AUTS2: variants seen among roughly 807,000 people sequenced by gnomAD.
The protein encoded by AUTS2 is autism susceptibility gene 2 protein.
A neutral mutation model predicts 112.4 loss-of-function variants in AUTS2; 17 were observed. That is an observed-to-expected ratio of 0.15 (90% CI 0.10 to 0.23). The LOEUF (loss-of-function observed/expected upper bound fraction) is 0.23. Ranked by LOEUF, AUTS2 falls within the 10% of genes least tolerant of loss-of-function variation. The pLI is 1.00. For synonymous variants in AUTS2, 751 were observed against 702.7 expected, an observed-to-expected ratio of 1.07 and a Z score of -1.09; for missense variants, 1,510 against 1,701.6, an observed-to-expected ratio of 0.89 and a Z score of 1.98.
chr7:70,626,005 C>G (rs1343072529), intron 5 of AUTS2, among the ~76,000 whole-genome samples: 1 of 151,990 alleles, frequency 6.6e-6, no homozygotes, highest in Non-Finnish European at 1.5e-5. Context: ...CTTCACCTCC[C>G]AGGTTCAAGC....
chr7:69,819,041 G>A (rs1790877013), intron 1 of AUTS2, among the ~76,000 whole-genome samples: 1 of 152,162 alleles, frequency 6.6e-6, no homozygotes. Flanking sequence ...TCTCACCAAG[G>A]ACAGGAGCAG....
chr7:70,208,233 TA>T (rs1240409624), intron 4 of AUTS2, among the ~76,000 whole-genome samples: 2 of 152,156 alleles, frequency 1.3e-5, no homozygotes, highest in African/African-American at 2.4e-5. Flanking sequence ...ACACATGGTG[TA>T]TTCAAAATAA....
At position 70,239,442 on chromosome 7, in the gene AUTS2, G is replaced by C. The variant is rs528886518; in HGVS notation, c.660+104871G>C. 2.0e-5 allele frequency among the ~76,000 whole-genome samples: 3 copies of C among 151,858 alleles called. No individual in the cohort carries two copies. In the South Asian group the frequency reaches 6.2e-4, roughly 32 times the overall value. ...CCAGCCCTGCAACCTAATTTTTTTT[G>C]TTTTGTTTTTGAGACAGAGTTTCCC... On this transcript the variant is annotated intron_variant, in intron 4 of 18. Coordinates refer to ENST00000342771, the MANE Select transcript of AUTS2 (RefSeq NM_015570.4).
In AUTS2 at chr7:70,118,212, C is replaced by T. The variant is rs1805486954; in HGVS notation, c.603C>T (p.Ser201=). The T allele has an allele frequency of 1.0e-5, 16 of 1,597,994 alleles. No individual in the cohort carries two copies. The East Asian group carries it at 3.4e-4, about 34-fold the overall frequency. Residue 201 remains serine (S), a synonymous_variant, in exon 3 of 19, where the codon AGC becomes AGT. Coordinates refer to ENST00000342771, the MANE Select transcript of AUTS2 (RefSeq NM_015570.4). The part of the protein sequence containing the change: ...SGESKGFHRS[S]SRERLSDSSA... ...AATCCAAGGGCTTCCACCGGAGCAG[C>T]TCTCGGGAAAGGCTCAGTGATGTAA...
At position 70,694,699 on chromosome 7, in the gene AUTS2, G is replaced by A. The variant is rs1323277820; in HGVS notation, c.691-3870G>A. 6.8e-6 allele frequency: 1 copy of A among 147,470 alleles called. No homozygotes were observed. Among genetic ancestry groups the A allele is most frequent in the Non-Finnish European group, 1.5e-5 (1 of 66,158 alleles). 9.1% of individuals were successfully genotyped at this position (147,470 alleles called of 1,614,324 possible). A position where few individuals can be genotyped will look rare whatever the true frequency, so the allele number is the denominator to read the frequency against. On this transcript the variant is annotated intron_variant, in intron 5 of 18. Coordinates refer to ENST00000342771, the MANE Select transcript of AUTS2 (RefSeq NM_015570.4). This position sits in a 1 kb window ranked among gnomAD's most constrained non-coding sequence, Gnocchi z 4.1. ...CAGCGCGGCCCCGCGCGCCGCAGGA[G>A]CGGCGGGGAGACAGTGGCGAGCGCG...
At chr7:69,785,204 C>A (rs1043127107) in intron 1 of AUTS2, among the ~76,000 whole-genome samples, 3 of 152,160 alleles carry the variant, frequency 2.0e-5, no homozygotes, top group Non-Finnish European at 4.4e-5. Flanking sequence ...TGCTAGCATG[C>A]ATAGGGACTG....
intron 5 of AUTS2, among the ~76,000 whole-genome samples, chr7:70,639,919 C>G (rs1480393253): frequency 6.6e-6 from 1 of 152,168 alleles, no homozygotes; most frequent in Non-Finnish European, 1.5e-5. Context: ...TGTGCAATCA[C>G]AGTTGACAGA....
chr7:70,059,760 AAGAAGATAGGCTTCCTT>A (rs907994135), intron 2 of AUTS2, among the ~76,000 whole-genome samples: 1 of 152,146 alleles, frequency 6.6e-6, no homozygotes, highest in Non-Finnish European at 1.5e-5. Context: ...TGCTAGGCTA[AAGAAGATAGGCTTCCTT>A]AGTGAGGCCA....
chr7:70,266,140 A>G (rs551124632), intron 4 of AUTS2, among the ~76,000 whole-genome samples: 1 of 152,248 alleles, frequency 6.6e-6, no homozygotes, highest in South Asian at 2.1e-4. Flanking sequence ...AAAACAACCC[A>G]AATGTTCATA....
chr7:70,111,637 T>C lies in AUTS2; in HGVS notation c.523-6495T>C, dbSNP rs551097441. Among the ~76,000 whole-genome samples the C allele has an allele frequency of 1.4e-3, 217 of 152,308 alleles. 1 individual carries two copies. Among genetic ancestry groups the C allele is most frequent in the African/African-American group, 5.1e-3 (213 of 41,588 alleles). ...ATTATTAAATTTAATTTGCTGTGTT[T>C]CTTCAGATTTTTGCAGCTTTTTAAA... On this transcript the variant is annotated intron_variant, in intron 2 of 18. Transcript: ENST00000342771.
intron 5 of AUTS2, among the ~76,000 whole-genome samples, chr7:70,489,413 A>G (rs1798150120): frequency 6.6e-6 from 1 of 152,186 alleles, no homozygotes; most frequent in African/African-American, 2.4e-5. Flanking sequence ...CAGTCCCATC[A>G]ATGTTGTATA....
intron 1 of AUTS2, among the ~76,000 whole-genome samples, chr7:69,819,961 G>C (rs1265637020): frequency 6.6e-6 from 1 of 152,174 alleles, no homozygotes; most frequent in Non-Finnish European, 1.5e-5. Context: ...CCAGTCTTGA[G>C]GTGTATAGGA....
chr7:70,160,957 C>A (rs1025068855), intron 4 of AUTS2, among the ~76,000 whole-genome samples: 2 of 152,158 alleles, frequency 1.3e-5, no homozygotes, highest in African/African-American at 4.8e-5. Context: ...ATGCAAATTT[C>A]AACTCGGCTG....
intron 2 of AUTS2, among the ~76,000 whole-genome samples, chr7:70,010,986 A>G (rs574891066): frequency 4.6e-5 from 7 of 152,318 alleles, no homozygotes; most frequent in African/African-American, 1.7e-4. Flanking sequence ...AATTTTTGAC[A>G]CATACTTGAT....
At chr7:69,935,256 T>C (rs1310763042) in intron 2 of AUTS2, among the ~76,000 whole-genome samples, 7 of 152,034 alleles carry the variant, frequency 4.6e-5, no homozygotes, top group Non-Finnish European at 1.0e-4. Context: ...AAGTATTGCT[T>C]AGGAGGTGTA....
At chr7:69,983,223 A>G (rs1798368311) in intron 2 of AUTS2, among the ~76,000 whole-genome samples, 1 of 151,988 alleles carries the variant, frequency 6.6e-6, no homozygotes. Context: ...ATATACTTTT[A>G]TATTTTCCTT....
intron 4 of AUTS2, among the ~76,000 whole-genome samples, chr7:70,295,231 G>A (rs957252408): frequency 6.6e-6 from 1 of 152,152 alleles, no homozygotes; most frequent in Non-Finnish European, 1.5e-5. Flanking sequence ...CTTCCATTCA[G>A]CACCTATCTG....
At chr7:70,331,549 C>G (rs1199550635) in intron 4 of AUTS2, among the ~76,000 whole-genome samples, 2 of 146,664 alleles carry the variant, frequency 1.4e-5, no homozygotes, top group East Asian at 4.0e-4. Context: ...TTTCATGTCT[C>G]TATCTCCTTC....
intron 2 of AUTS2, among the ~76,000 whole-genome samples, chr7:69,909,407 T>G (rs142823550): frequency 6.6e-6 from 1 of 152,332 alleles, no homozygotes; most frequent in East Asian, 1.9e-4. Flanking sequence ...GAGTTTTTTA[T>G]TTTTCATTTT....
Sources: gnomAD v4.1 joint callset for allele counts (sites outside exome capture counted in the v4.1 genomes callset) on GRCh38, gnomAD v4.1.1 for gene constraint, Gnocchi (gnomAD v3.1) non-coding constraint, MANE v1.5 for transcripts, NCBI Gene and HGNC (gene_info 2026-07-23, HGNC 2026-07-21) for gene names.